TNRC6A: variants seen among roughly 807,000 people sequenced by gnomAD.
TNRC6A encodes trinucleotide repeat-containing gene 6A protein.
TNRC6A carries 44 observed loss-of-function variants against 221.2 expected under a neutral mutation model. The ratio of observed to expected loss-of-function variants is 0.20; its 90% CI spans 0.16 to 0.26. The LOEUF (loss-of-function observed/expected upper bound fraction) is 0.26, where lower values mean the gene tolerates loss of function less well. Ranked by LOEUF, TNRC6A falls within the 10% of genes least tolerant of loss-of-function variation. The probability of loss-of-function intolerance (pLI) is 1.00; values close to 1 mark genes in which losing one functional copy is unlikely to be tolerated. For missense variants in TNRC6A, 2,199 were observed against 2,404.4 expected, an observed-to-expected ratio of 0.91 and a Z score of 1.79; for synonymous variants, 847 against 838.5, an observed-to-expected ratio of 1.01 and a Z score of -0.18.
At position 24,804,300 on chromosome 16, in the gene TNRC6A, G is replaced by A. The variant is rs377599716; in HGVS notation, c.3818G>A (p.Arg1273His). 5.3e-5 allele frequency: 85 copies of A among 1,612,456 alleles called. No individual in the cohort carries two copies. The highest frequency in any genetic ancestry group is 6.7e-5 in the Admixed American group (4 of 59,408). Residue 1273 changes from arginine to histidine, a missense_variant, in exon 12 of 25, where the codon CGC becomes CAC. Physicochemically the swap from Arg to His is conservative, Grantham distance 29 (BLOSUM62 0). Transcript: ENST00000395799. ...ATTTCCAAAGAGTCTTCCATGGAGC[G>A]CAATCCTTATTTTGATAAGGTAAGG... ...PQISKESSME[R>H]NPYFDKDGIV... is the part of the protein sequence containing the mutation.
intron 17 of TNRC6A, among the ~76,000 whole-genome samples, 184 bp downstream of exon 17, chr16:24,806,968 TCTC>T (rs1312431056): frequency 1.3e-5 from 2 of 152,072 alleles, no homozygotes; most frequent in Admixed American, 1.3e-4. Context: ...GGAAGGTCTC[TCTC>T]CTCAAGAAAA....
chr16:24,793,681 T>C (rs773296208), intron 7 of TNRC6A, 32 bp downstream of exon 7: 60 of 1,376,432 alleles, frequency 4.4e-5, no homozygotes, highest in Non-Finnish European at 5.3e-5. Context: ...GTAGCTGTTA[T>C]GTAGCAGTGG....
chr16:24,740,781 G>A (rs1016010776), intron 2 of TNRC6A, among the ~76,000 whole-genome samples: 2 of 152,102 alleles, frequency 1.3e-5, no homozygotes, highest in Non-Finnish European at 1.5e-5. Context: ...TGGAAACTCT[G>A]TACCCGTTAA....
intron 4 of TNRC6A, among the ~76,000 whole-genome samples, chr16:24,773,653 T>C (rs1485416806): frequency 6.6e-6 from 1 of 152,232 alleles, no homozygotes; most frequent in Non-Finnish European, 1.5e-5. Flanking sequence ...CGGTTTTCTC[T>C]GTCTCCATTT....
intron 1 of TNRC6A, among the ~76,000 whole-genome samples, chr16:24,620,970 G>A (rs1231181964): frequency 2.6e-5 from 4 of 150,958 alleles, no homozygotes; most frequent in African/African-American, 9.8e-5. Context: ...TGTAGTCCCA[G>A]CTACTTGGGA....
intron 2 of TNRC6A, among the ~76,000 whole-genome samples, chr16:24,687,911 C>CTTCTTTCCTT (rs1555489525): frequency 4.2e-5 from 5 of 120,230 alleles, no homozygotes; most frequent in African/African-American, 9.5e-5. Context: ...CTTGGACATG[C>CTTCTTTCCTT]TTCTTTTCTT....
intron 11 of TNRC6A, among the ~76,000 whole-genome samples, chr16:24,802,410 G>A (rs1439922171): frequency 2.0e-5 from 3 of 152,126 alleles, no homozygotes; most frequent in Admixed American, 6.5e-5. Flanking sequence ...TTAGCTGGGG[G>A]TGGTGGTACA....
intron 2 of TNRC6A, among the ~76,000 whole-genome samples, chr16:24,742,828 C>T (rs1223453978): frequency 6.6e-6 from 1 of 151,984 alleles, no homozygotes; most frequent in Non-Finnish European, 1.5e-5. Flanking sequence ...GAGTATTGTA[C>T]AAGTAGGCAG....
chr16:24,645,336 T>A (rs187367218), intron 2 of TNRC6A, among the ~76,000 whole-genome samples: 230 of 152,036 alleles, frequency 1.5e-3, no homozygotes, highest in African/African-American at 5.1e-3. Flanking sequence ...TGAAACCCCA[T>A]CTCTATTAAA....
intron 2 of TNRC6A, among the ~76,000 whole-genome samples, chr16:24,647,254 C>T (rs1902343796): frequency 6.6e-6 from 1 of 152,038 alleles, no homozygotes; most frequent in Non-Finnish European, 1.5e-5. Flanking sequence ...TAGTCTTTTC[C>T]TCATAATTTT....
At chr16:24,759,654 G>A (rs1043999785) in intron 4 of TNRC6A, among the ~76,000 whole-genome samples, 1 of 152,178 alleles carries the variant, frequency 6.6e-6, no homozygotes, top group Admixed American at 6.5e-5. Flanking sequence ...GAATGTCATG[G>A]TCATAAGCTG....
At chr16:24,778,189 A>AGT in intron 5 of TNRC6A, 1 of 564,532 alleles carries the variant, frequency 1.8e-6, no homozygotes, top group African/African-American at 2.0e-5. Context: ...CCCATATCCC[A>AGT]GTGTGTGTGA....
intron 2 of TNRC6A, among the ~76,000 whole-genome samples, chr16:24,718,986 G>A (rs886321615): frequency 2.0e-5 from 3 of 148,530 alleles, no homozygotes; most frequent in South Asian, 2.1e-4. Flanking sequence ...GCAGTGAGCC[G>A]AGATCGCACC....
intron 15 of TNRC6A, 149 bp from the exon 16 acceptor site, chr16:24,806,057 C>T: frequency 2.3e-6 from 2 of 854,164 alleles, no homozygotes; most frequent in South Asian, 1.8e-5. Context: ...CCAGAGAGTC[C>T]AAGGAAGAGA....
chr16:24,798,692 T>C (rs778072063), intron 11 of TNRC6A, among the ~76,000 whole-genome samples: 6 of 152,228 alleles, frequency 3.9e-5, no homozygotes, highest in Non-Finnish European at 8.8e-5. Flanking sequence ...TCAACAAAAA[T>C]TGATAACCAG....
chr16:24,777,042 C>A lies in TNRC6A; in HGVS notation c.273C>A (p.Asn91Lys), dbSNP rs756208129. Residue 91 changes from asparagine to lysine, a missense_variant, in exon 5 of 25, where the codon AAC becomes AAA. Transcript: ENST00000395799. ...ATAATGCCAAGCGAGCTACAGCCAA[C>A]AATCAGCAGCCACAGCAGCAGCAGC... Reference protein sequence around the residue: ...TNNNAKRATANNQQPQQQQQQ... With the variant: ...TNNNAKRATAKNQQPQQQQQQ... The A allele has an allele frequency of 4.3e-6, 7 of 1,613,710 alleles. No homozygotes were observed. The African/African-American group carries it at 9.3e-5, about 22-fold the overall frequency.
At chr16:24,751,216 C>G (rs1164602627) in intron 3 of TNRC6A, among the ~76,000 whole-genome samples, 5 of 151,994 alleles carry the variant, frequency 3.3e-5, no homozygotes, top group Non-Finnish European at 7.4e-5. Context: ...GCCTTAGTTT[C>G]CTTGTGTTTT....
chr16:24,750,579 C>T, intron 2 of TNRC6A, 147 bp from the exon 3 acceptor site: 1 of 975,984 alleles, frequency 1.0e-6, no homozygotes, highest in Non-Finnish European at 1.4e-6. Context: ...GGTTAGGTTG[C>T]AGGTTGTGTT....
At chr16:24,781,461 A>G (rs1220482052) in intron 5 of TNRC6A, among the ~76,000 whole-genome samples, 5 of 152,156 alleles carry the variant, frequency 3.3e-5, no homozygotes, top group African/African-American at 1.2e-4. Context: ...GTATTACATC[A>G]GTCTCTCATA....
Sources: gnomAD v4.1 joint callset for allele counts (sites outside exome capture counted in the v4.1 genomes callset) on GRCh38, gnomAD v4.1.1 for gene constraint, MANE v1.5 for transcripts, NCBI Gene and HGNC (gene_info 2026-07-23, HGNC 2026-07-21) for gene names.